The following NDUFAF1 variants were observed in gnomAD, a reference collection of about 807,000 sequenced individuals.
NDUFAF1 encodes complex I intermediate-associated protein 30, mitochondrial.
A neutral mutation model predicts 28.7 loss-of-function variants in NDUFAF1; 18 were observed. That is an observed-to-expected ratio of 0.63 (90% CI 0.43 to 0.93). The LOEUF (loss-of-function observed/expected upper bound fraction) is 0.93, where lower values mean the gene tolerates loss of function less well. Ranked by LOEUF, NDUFAF1 falls within the 40% of genes least tolerant of loss-of-function variation. NDUFAF1 has a pLI of 0.00. For missense variants in NDUFAF1, 404 were observed against 398.3 expected (o/e 1.01, Z -0.12); for synonymous variants, 113 against 139.7 (o/e 0.81, Z 1.35).
Position 41,396,736 on chromosome 15 carries a change from C to G in NDUFAF1, c.324G>C (p.Pro108=), listed in dbSNP as rs776040464. Residue 108 remains proline (P), a synonymous_variant, in exon 2 of 5, where the codon CCG becomes CCC. Transcript: ENST00000260361. ...AGACCTCATGCAGAGGGTGGCCTTC[C>G]GGTCCTCTCCAATGATCCACAATTT... is the stretch of plus-strand genomic sequence containing the variant. ...KDEIVDHWRG[P]EGHPLHEVLL... 8 of 1,614,148 alleles carry G rather than the reference C, an allele frequency of 5.0e-6. No homozygotes were observed. Among genetic ancestry groups the G allele is most frequent in the Non-Finnish European group, 5.9e-6 (7 of 1,180,042 alleles).
At chr15:41,394,825 CATTTTT>C (rs964908868) in intron 3 of NDUFAF1, 28 bp downstream of exon 3, 1 of 1,610,072 alleles carries the variant, frequency 6.2e-7, no homozygotes, top group African/African-American at 1.3e-5. Flanking sequence ...GCCAAGACCT[CATTTTT>C]ATAAACAATG....
At chr15:41,393,609 G>C (rs1219086056) in intron 3 of NDUFAF1, among the ~76,000 whole-genome samples, 1 of 129,136 alleles carries the variant, frequency 7.7e-6, no homozygotes, top group Non-Finnish European at 1.6e-5. Flanking sequence ...TTGAGATGGA[G>C]TCTCACTCTG....
chr15:41,387,709 C>T, intron 4 of NDUFAF1, 116 bp from the exon 5 acceptor site: 4 of 806,562 alleles, frequency 5.0e-6, no homozygotes. Flanking sequence ...TGCTATCAGC[C>T]CTTAGCAAAT....
chr15:41,395,665 C>T (rs867534543), intron 2 of NDUFAF1, among the ~76,000 whole-genome samples: 24 of 136,036 alleles, frequency 1.8e-4, no homozygotes, highest in Non-Finnish European at 2.9e-4. Context: ...CCACTGCGCC[C>T]GGCCTTTTTT....
At chr15:41,393,291 ATTTTTTTTTTTT>A (rs911259285) in intron 3 of NDUFAF1, among the ~76,000 whole-genome samples, 4 of 93,632 alleles carry the variant, frequency 4.3e-5, no homozygotes, top group Non-Finnish European at 8.3e-5. Context: ...TGCCCGGCTA[ATTTTTTTTTTTT>A]TTTTTTTTTT....
chr15:41,402,558 G>T, upstream of NDUFAF1: 2 of 293,672 alleles, frequency 6.8e-6, no homozygotes, highest in South Asian at 2.9e-5. Context: ...AGTTCCGGCC[G>T]AGTACAGAAG....
intron 3 of NDUFAF1, chr15:41,394,225 G>A (rs919519911): frequency 1.4e-5 from 7 of 501,470 alleles, no homozygotes; most frequent in Non-Finnish European, 2.2e-5. Flanking sequence ...GAGACAACAG[G>A]GTTTCTCCAT....
At position 41,396,632 on chromosome 15, in the gene NDUFAF1, G is replaced by T; in HGVS notation, c.428C>A (p.Thr143Lys). The change falls in exon 2 of 5, where the codon ACG becomes AAG. Residue 143 changes from threonine (T) to lysine (K), a missense_variant. Physicochemically the swap from Thr to Lys is moderately conservative, Grantham distance 78 (BLOSUM62 -1). Transcript: ENST00000260361. Reference protein sequence around the residue: ...LDKWTVTSDKTIGGRSEVFLK... With the variant: ...LDKWTVTSDKKIGGRSEVFLK... ...AAACACTTCACTTCTGCCTCCAATC[G>T]TCTTATCAGAAGTCACTGTCCACTT... 2 of 1,614,008 alleles carry T rather than the reference G, an allele frequency of 1.2e-6. No homozygotes were observed. The highest frequency in any genetic ancestry group is 1.3e-5 in the African/African-American group (1 of 74,984).
chr15:41,401,434 CTTTTTT>C (rs748339568), intron 1 of NDUFAF1, among the ~76,000 whole-genome samples: 1 of 138,428 alleles, frequency 7.2e-6, no homozygotes, highest in Admixed American at 7.3e-5. Context: ...CCATGCCCAA[CTTTTTT>C]TTTTTTTTTT....
chr15:41,397,596 G>C (rs1195998514), intron 1 of NDUFAF1, among the ~76,000 whole-genome samples: 1 of 152,046 alleles, frequency 6.6e-6, no homozygotes, highest in African/African-American at 2.4e-5. Context: ...TCAGGAAATC[G>C]AGACCATCCT....
chr15:41,397,574 T>C (rs893591549), intron 1 of NDUFAF1, among the ~76,000 whole-genome samples: 3 of 151,478 alleles, frequency 2.0e-5, no homozygotes, highest in Non-Finnish European at 2.9e-5. Context: ...CCGAGGCGGG[T>C]GGATCACGAG....
chr15:41,388,052 G>T (rs1430604148), intron 4 of NDUFAF1, among the ~76,000 whole-genome samples: 1 of 152,176 alleles, frequency 6.6e-6, no homozygotes, highest in Non-Finnish European at 1.5e-5. Flanking sequence ...AGAGGTTGCA[G>T]TGAGCCGAGA....
At chr15:41,399,690 T>TA (rs1194766321) in intron 1 of NDUFAF1, among the ~76,000 whole-genome samples, 3 of 148,710 alleles carry the variant, frequency 2.0e-5, no homozygotes, top group Admixed American at 1.3e-4. Context: ...CCGTCTCTAC[T>TA]AAAAAAATAC....
At chr15:41,392,410 G>A (rs2050327266) in intron 3 of NDUFAF1, among the ~76,000 whole-genome samples, 1 of 152,018 alleles carries the variant, frequency 6.6e-6, no homozygotes, top group Non-Finnish European at 1.5e-5. Context: ...AACCACTGAA[G>A]GGTCCTGATA....
upstream of NDUFAF1, chr15:41,402,498 G>T (rs180848130): frequency 2.9e-6 from 1 of 347,156 alleles, no homozygotes; most frequent in East Asian, 7.5e-5. Flanking sequence ...TACCCGTATA[G>T]GTCCATCTGC....
At chr15:41,387,981 G>A (rs1382570633) in intron 4 of NDUFAF1, among the ~76,000 whole-genome samples, 1 of 152,070 alleles carries the variant, frequency 6.6e-6, no homozygotes, top group Non-Finnish European at 1.5e-5. Context: ...GTGGTGGCAG[G>A]CACCTGTAAT....
intron 3 of NDUFAF1, among the ~76,000 whole-genome samples, chr15:41,392,841 C>T (rs542970923): frequency 6.6e-6 from 1 of 152,222 alleles, no homozygotes; most frequent in East Asian, 1.9e-4. Context: ...ATGATGTCAT[C>T]TGAACTATGC....
chr15:41,394,737 C>G (rs572168040), intron 3 of NDUFAF1, 122 bp downstream of exon 3: 10 of 924,174 alleles, frequency 1.1e-5, no homozygotes, highest in Non-Finnish European at 1.7e-5. Context: ...AACCTGGTCT[C>G]GAACTCCTGA....
intron 2 of NDUFAF1, 43 bp downstream of exon 2, chr15:41,396,443 CA>C: frequency 6.4e-7 from 1 of 1,562,224 alleles, no homozygotes; most frequent in Non-Finnish European, 8.8e-7. Flanking sequence ...CAATGAAGTT[CA>C]CCCCTGTTTA....
Sources: allele counts gnomAD v4.1 joint callset (sites outside exome capture counted in the v4.1 genomes callset), GRCh38; gene constraint gnomAD v4.1.1; transcripts MANE v1.5; gene names NCBI Gene and HGNC (gene_info 2026-07-23, HGNC 2026-07-21).